The following PCSK5 variants were observed in gnomAD, a reference collection of about 807,000 sequenced individuals.
PCSK5 encodes the protein prohormone convertase 5.
PCSK5 carries 129 observed loss-of-function variants against 233.2 expected under a neutral mutation model. The observed-to-expected ratio is 0.55, with a 90% confidence interval of 0.48 to 0.64. The LOEUF is 0.64. Ranked by LOEUF, PCSK5 falls within the 30% of genes least tolerant of loss-of-function variation. PCSK5 has a pLI of 0.00. For synonymous variants in PCSK5, 825 were observed against 879.2 expected (o/e 0.94, Z 1.09); for missense variants, 2,076 against 2,430.1 (o/e 0.85, Z 3.06).
chr9:76,352,633 G>A (rs1352404136), intron 36 of PCSK5, among the ~76,000 whole-genome samples: 1 of 152,038 alleles, frequency 6.6e-6, no homozygotes, highest in East Asian at 1.9e-4. Flanking sequence ...CTCCCAAAGT[G>A]CTAGGATTAC....
chr9:76,350,990 C>T (rs1482127597), intron 36 of PCSK5, 62 bp downstream of exon 36: 1 of 803,706 alleles, frequency 1.2e-6, no homozygotes, highest in Non-Finnish European at 2.1e-6. Context: ...GAGCTTACTT[C>T]CTGCATGTCA....
intron 7 of PCSK5, among the ~76,000 whole-genome samples, chr9:76,077,208 G>T (rs1830672300): frequency 6.6e-6 from 1 of 152,032 alleles, no homozygotes; most frequent in Admixed American, 6.6e-5. Context: ...TGTTACTATG[G>T]TGAATTAATC....
chr9:76,240,521 TTAAAA>T, intron 23 of PCSK5, 90 bp from the exon 24 acceptor site: 2 of 884,698 alleles, frequency 2.3e-6, no homozygotes, highest in Non-Finnish European at 3.7e-6. Flanking sequence ...ATGATTTACT[TTAAAA>T]TAAGCTACAC....
intron 24 of PCSK5, among the ~76,000 whole-genome samples, chr9:76,279,032 A>G (rs1322304961): frequency 1.3e-5 from 2 of 150,154 alleles, no homozygotes; most frequent in Non-Finnish European, 3.0e-5. Flanking sequence ...ATCTAGCATT[A>G]GGCATGTCTC....
intron 24 of PCSK5, among the ~76,000 whole-genome samples, chr9:76,291,053 C>T (rs1803633486): frequency 6.6e-6 from 1 of 152,252 alleles, no homozygotes; most frequent in African/African-American, 2.4e-5. Context: ...GTTTCTACTG[C>T]ACCATCATCA....
At chr9:75,949,917 C>T (rs1824767231) in intron 2 of PCSK5, among the ~76,000 whole-genome samples, 1 of 152,156 alleles carries the variant, frequency 6.6e-6, no homozygotes, top group African/African-American at 2.4e-5. Flanking sequence ...ATAATCACAT[C>T]ATGGAGAATG....
chr9:76,336,547 C>A (rs1829683959), intron 34 of PCSK5, among the ~76,000 whole-genome samples: 1 of 152,096 alleles, frequency 6.6e-6, no homozygotes, highest in South Asian at 2.1e-4. Context: ...CAGTTAAGCT[C>A]AAATCATATT....
intron 2 of PCSK5, among the ~76,000 whole-genome samples, chr9:75,976,826 A>G (rs145122743): frequency 0.01 from 1,583 of 152,190 alleles, 14 homozygotes; most frequent in Non-Finnish European, 9.5e-3. Context: ...TAAATGTTAA[A>G]GAAATATCCC....
At chr9:76,051,722 A>G (rs1227941553) in intron 5 of PCSK5, among the ~76,000 whole-genome samples, 1 of 152,228 alleles carries the variant, frequency 6.6e-6, no homozygotes, top group African/African-American at 2.4e-5. Flanking sequence ...ACAGACCTAA[A>G]GTGAATCAGC....
intron 20 of PCSK5, among the ~76,000 whole-genome samples, chr9:76,197,776 G>A (rs572417058): frequency 3.9e-5 from 6 of 152,280 alleles, no homozygotes; most frequent in Admixed American, 1.3e-4. Context: ...ACCTCACCCA[G>A]CCCAGGGCCC....
At chr9:76,258,997 C>A (rs1018850564) in intron 24 of PCSK5, among the ~76,000 whole-genome samples, 1 of 152,162 alleles carries the variant, frequency 6.6e-6, no homozygotes, top group Admixed American at 6.5e-5. Flanking sequence ...CCCTAGCAAG[C>A]AACCAGGGAG....
intron 20 of PCSK5, among the ~76,000 whole-genome samples, chr9:76,215,405 A>G (rs1159574486): frequency 1.8e-4 from 26 of 148,192 alleles, no homozygotes; most frequent in Non-Finnish European, 1.5e-5. Flanking sequence ...TGAGCTGTGG[A>G]TGCTAAGCCT....
intron 9 of PCSK5, among the ~76,000 whole-genome samples, chr9:76,124,380 T>C (rs914457367): frequency 2.0e-5 from 3 of 152,176 alleles, no homozygotes; most frequent in African/African-American, 7.2e-5. Flanking sequence ...AAAGCTAATA[T>C]TCTGAAGCCA....
At chr9:76,336,561 T>C (rs1345003347) in intron 34 of PCSK5, among the ~76,000 whole-genome samples, 2 of 152,214 alleles carry the variant, frequency 1.3e-5, no homozygotes, top group Non-Finnish European at 2.9e-5. Flanking sequence ...TCATATTGTC[T>C]CATTTCACTA....
intron 2 of PCSK5, among the ~76,000 whole-genome samples, chr9:75,981,183 G>A (rs756845059): frequency 6.6e-6 from 1 of 152,114 alleles, no homozygotes; most frequent in Non-Finnish European, 1.5e-5. Flanking sequence ...TCATTGATCA[G>A]CTAGAACATT....
chr9:76,300,527 T>C (rs891594851), intron 27 of PCSK5, among the ~76,000 whole-genome samples: 6 of 152,172 alleles, frequency 3.9e-5, no homozygotes, highest in Admixed American at 2.0e-4. Context: ...ACCACAGAAA[T>C]TGGAAACACT....
intron 5 of PCSK5, among the ~76,000 whole-genome samples, chr9:76,061,632 CA>C (rs1167168311): frequency 5.9e-5 from 9 of 152,016 alleles, no homozygotes; most frequent in South Asian, 2.1e-4. Context: ...TTGGAGTTTC[CA>C]AAATAAATAA....
chr9:76,332,583 A>G lies in PCSK5; in HGVS notation c.4721A>G (p.Lys1574Arg). 1 of 1,602,778 alleles carries G rather than the reference A, an allele frequency of 6.2e-7. No individual in the cohort carries two copies. Among genetic ancestry groups the G allele is most frequent in the South Asian group, 1.1e-5 (1 of 89,810 alleles). ...CGACCGGGCTGGTTCCAGCTAGGAA[A>G]AGAGTGCCTGCTCCAGTGCAGGGAA... ...SCRPGWFQLG[K>R]ECLLQCREGY... The change falls in exon 34 of 38, where the codon AAA (lysine) becomes AGA (arginine). Residue 1574 changes from lysine to arginine, a missense_variant. By Grantham distance (26) the Lys-to-Arg change is conservative. Transcript: ENST00000674117.
intron 7 of PCSK5, among the ~76,000 whole-genome samples, chr9:76,080,294 G>A (rs769963727): frequency 6.6e-6 from 1 of 152,078 alleles, no homozygotes; most frequent in African/African-American, 2.4e-5. Flanking sequence ...AAAAGGCTTC[G>A]CTGGTTTTCC....
Sources: gnomAD v4.1 joint callset for allele counts (sites outside exome capture counted in the v4.1 genomes callset) on GRCh38, gnomAD v4.1.1 for gene constraint, MANE v1.5 for transcripts, NCBI Gene and HGNC (gene_info 2026-07-23, HGNC 2026-07-21) for gene names.